Variants in COLGALT2 observed in about 807,000 individuals in gnomAD.
The protein encoded by COLGALT2 is collagen beta(1-O)galactosyltransferase 2.
Under a neutral mutation model 73.4 loss-of-function variants are expected in COLGALT2, and 49 were observed. That is an observed-to-expected ratio of 0.67 (90% CI 0.53 to 0.85). The LOEUF (loss-of-function observed/expected upper bound fraction) is 0.85. Among genes scored for constraint, COLGALT2 ranks in the 40% least tolerant of loss-of-function variants. The probability of loss-of-function intolerance (pLI) is 0.00; values close to 1 mark genes in which losing one functional copy is unlikely to be tolerated. For synonymous variants in COLGALT2, 295 were observed against 307.6 expected, an observed-to-expected ratio of 0.96 and a Z score of 0.43; for missense variants, 722 against 790.2, an observed-to-expected ratio of 0.91 and a Z score of 1.03.
Position 183,937,390 on chromosome 1 carries a change from C to T in COLGALT2, c.*1371G>A, listed in dbSNP as rs965813417. Reference sequence around the variant, plus strand: ...GACAGATTGTGGAGTGGGAAGAAATCGTGTAGTCCAACTCTGCATTTTACA... The same window carrying T: ...GACAGATTGTGGAGTGGGAAGAAATTGTGTAGTCCAACTCTGCATTTTACA... On this transcript the variant is annotated 3_prime_UTR_variant, in exon 12 of 12. Transcript: ENST00000361927. The T allele has an allele frequency of 1.3e-5, 13 of 995,526 alleles. No homozygotes were observed. The highest frequency in any genetic ancestry group is 1.1e-4 in the East Asian group (1 of 9,478). 61.7% of individuals were successfully genotyped at this position (995,526 alleles called of 1,614,324 possible). A position where few individuals can be genotyped will look rare whatever the true frequency, so the allele number is the denominator to read the frequency against.
chr1:183,975,122 C>T lies in COLGALT2; in HGVS notation c.467G>A (p.Arg156Lys). 6.2e-7 allele frequency: 1 copy of T among 1,613,706 alleles called. No homozygotes were observed. ...KLRQAALRTAREKWSDYILFI... is the reference protein window; with the variant it reads ...KLRQAALRTAKEKWSDYILFI... ...CAGAATGTAGTCTGACCATTTTTCC[C>T]TCGCAGTTCGAAGGGCTGCCTGTCG... The change falls in exon 3 of 12, where the codon AGG becomes AAG. Residue 156 changes from arginine to lysine, a missense_variant. Transcript: ENST00000361927.
At chr1:183,952,370 G>A (rs890320290) in intron 7 of COLGALT2, among the ~76,000 whole-genome samples, 1 of 152,126 alleles carries the variant, frequency 6.6e-6, no homozygotes, top group Admixed American at 6.5e-5. Flanking sequence ...ATGTTTATGG[G>A]TCCAGTTCTA....
chr1:184,031,375 T>C (rs149116975), intron 1 of COLGALT2, among the ~76,000 whole-genome samples: 1 of 152,170 alleles, frequency 6.6e-6, no homozygotes, highest in Non-Finnish European at 1.5e-5. Flanking sequence ...TCTGTCCCTA[T>C]GAAATATACC....
chr1:184,010,393 C>A (rs1274057601), intron 1 of COLGALT2, among the ~76,000 whole-genome samples: 1 of 152,156 alleles, frequency 6.6e-6, no homozygotes, highest in Non-Finnish European at 1.5e-5. Flanking sequence ...AGGTATTTAC[C>A]AACTGTGTCT....
At chr1:183,939,513 G>A (rs754973921) in intron 11 of COLGALT2, among the ~76,000 whole-genome samples, 3 of 152,216 alleles carry the variant, frequency 2.0e-5, no homozygotes, top group South Asian at 2.1e-4. Context: ...TAAAGGAGAC[G>A]GATGACTTGG....
intron 1 of COLGALT2, among the ~76,000 whole-genome samples, chr1:184,025,230 T>C (rs1419055017): frequency 2.6e-5 from 4 of 152,224 alleles, no homozygotes; most frequent in Non-Finnish European, 5.9e-5. Context: ...TGCCATCTGA[T>C]GCCTAAGAAA....
At chr1:184,021,395 G>A (rs1016941739) in intron 1 of COLGALT2, among the ~76,000 whole-genome samples, 1 of 152,152 alleles carries the variant, frequency 6.6e-6, no homozygotes, top group African/African-American at 2.4e-5. Context: ...AGAGGTAAGT[G>A]GGACTTGAGC....
chr1:183,940,926 A>G (rs1197438231), intron 10 of COLGALT2, 139 bp from the exon 11 acceptor site: 3 of 771,552 alleles, frequency 3.9e-6, no homozygotes, highest in African/African-American at 1.7e-5. Context: ...TATCACATCC[A>G]AAAGTGGATC....
chr1:184,013,284 C>T (rs538553070), intron 1 of COLGALT2, among the ~76,000 whole-genome samples: 4 of 152,300 alleles, frequency 2.6e-5, no homozygotes, highest in African/African-American at 7.2e-5. Flanking sequence ...CACTGCACTC[C>T]AGCCTGGGCG....
intron 1 of COLGALT2, among the ~76,000 whole-genome samples, chr1:184,015,834 G>A (rs80203919): frequency 5.9e-5 from 9 of 152,168 alleles, no homozygotes; most frequent in African/African-American, 1.4e-4. Flanking sequence ...AGCTATCTAC[G>A]TGAAACTATA....
chr1:183,997,318 A>T (rs893177050), intron 1 of COLGALT2, among the ~76,000 whole-genome samples: 1 of 152,260 alleles, frequency 6.6e-6, no homozygotes, highest in African/African-American at 2.4e-5. Context: ...TAAGAGAATG[A>T]TAAATGAACC....
chr1:183,981,643 C>T (rs114710945), intron 1 of COLGALT2, among the ~76,000 whole-genome samples: 1,756 of 152,124 alleles, frequency 0.012, 10 homozygotes, highest in Non-Finnish European at 0.019. Context: ...GGTGATAGAG[C>T]GAGATGCTCT....
intron 1 of COLGALT2, among the ~76,000 whole-genome samples, chr1:184,025,480 C>T (rs1486105681): frequency 2.0e-5 from 3 of 152,176 alleles, no homozygotes; most frequent in Non-Finnish European, 4.4e-5. Context: ...GGAAGGAATC[C>T]TGAGCTGGCC....
Position 183,957,185 on chromosome 1 carries a change from A to T in COLGALT2, c.953-2347T>A, listed in dbSNP as rs191684011. Among the ~76,000 whole-genome samples, 687 of 152,294 alleles carry T rather than the reference A, an allele frequency of 4.5e-3. 20 individuals are homozygous for T. The highest frequency in any genetic ancestry group is 0.042 in the Admixed American group (641 of 15,296). ...TATATATGTCACATATATACTTGAC[A>T]TATATAATCACATATATTTAATGTT... On this transcript the variant is annotated intron_variant, in intron 6 of 11. Transcript: ENST00000361927.
chr1:183,963,676 C>T (rs1030537989), intron 6 of COLGALT2, among the ~76,000 whole-genome samples: 6 of 152,088 alleles, frequency 3.9e-5, no homozygotes, highest in African/African-American at 1.4e-4. Context: ...ACTTGTGTAC[C>T]CAGCGCTCTT....
chr1:184,031,105 G>A (rs1429617366), intron 1 of COLGALT2, among the ~76,000 whole-genome samples: 3 of 152,134 alleles, frequency 2.0e-5, no homozygotes, highest in African/African-American at 4.8e-5. Context: ...GTTGCAGGGA[G>A]GATTGATAAT....
chr1:183,958,290 C>A (rs1468124480), intron 6 of COLGALT2, among the ~76,000 whole-genome samples: 1 of 152,154 alleles, frequency 6.6e-6, no homozygotes, highest in Non-Finnish European at 1.5e-5. Context: ...ACAAGATTTT[C>A]AATTCTCGTC....
At chr1:184,000,975 G>A (rs112173669) in intron 1 of COLGALT2, among the ~76,000 whole-genome samples, 4,128 of 151,908 alleles carry the variant, frequency 0.027, 193 homozygotes, top group African/African-American at 0.093. Context: ...GACTACAGGC[G>A]CCCGCCACCA....
At chr1:183,958,741 C>T (rs1670617902) in intron 6 of COLGALT2, among the ~76,000 whole-genome samples, 1 of 149,136 alleles carries the variant, frequency 6.7e-6, no homozygotes, top group African/African-American at 2.5e-5. Context: ...TGGGCTGCAA[C>T]CCAGGACAAA....
Sources: allele counts gnomAD v4.1 joint callset (sites outside exome capture counted in the v4.1 genomes callset), GRCh38; gene constraint gnomAD v4.1.1; transcripts MANE v1.5; gene names NCBI Gene and HGNC (gene_info 2026-07-23, HGNC 2026-07-21).